Variants in CCDC33 observed in about 807,000 individuals in gnomAD.
The protein encoded by CCDC33 is coiled-coil domain containing 33.
CCDC33 carries 94 observed loss-of-function variants against 91.9 expected under a neutral mutation model. That is an observed-to-expected ratio of 1.02 (90% CI 0.87 to 1.21). The LOEUF (loss-of-function observed/expected upper bound fraction) is 1.21. Among genes scored for constraint, CCDC33 ranks in the 50% most tolerant of loss-of-function variants. The pLI, the probability that CCDC33 is intolerant of heterozygous loss-of-function variation, is 0.00. For missense variants in CCDC33, 940 were observed against 935.5 expected (o/e 1.00, Z -0.06); for synonymous variants, 396 against 374.5 (o/e 1.06, Z -0.66).
chr15:74,311,594 G>A (rs1025770322), intron 11 of CCDC33: 29 of 152,254 alleles, frequency 1.9e-4, no homozygotes, highest in African/African-American at 7.0e-4. Context: ...CAGAAAGAGT[G>A]TGTGGGAAAG....
rs571195330 is a variant in CCDC33, at chr15:74,218,584, G to C, written c.398G>C (p.Arg133Pro). 8 of 1,289,832 alleles carry C rather than the reference G, an allele frequency of 6.2e-6. No individual in the cohort carries two copies. The Admixed American group carries it at 1.1e-4, about 19-fold the overall frequency. 79.9% of individuals were successfully genotyped at this position (1,289,832 alleles called of 1,614,324 possible). ...GAACCCTTGGGACGGGCAGCCCAGC[G>C]GGTGGGTGAGGCCATCTTCCCCATC... is the stretch of plus-strand genomic sequence containing the variant. The change falls in exon 2 of 3, where the codon CGG (arginine) becomes CCG (proline). Residue 133 changes from arginine (R) to proline (P), a missense_variant. By Grantham distance (103) the Arg-to-Pro change is moderately radical. Coordinates refer to the CCDC33 transcript ENST00000635913. This position sits in a 1 kb window ranked among gnomAD's most constrained non-coding sequence, Gnocchi z 4.8.
intron 11 of CCDC33, among the ~76,000 whole-genome samples, chr15:74,320,594 A>C (rs554529000): frequency 6.6e-6 from 1 of 152,180 alleles, no homozygotes; most frequent in Admixed American, 6.5e-5. Flanking sequence ...AGAGTCCAAA[A>C]TGGGGTTTGG....
At chr15:74,306,431 C>T (rs78863694) in intron 11 of CCDC33, among the ~76,000 whole-genome samples, 1,634 of 152,296 alleles carry the variant, frequency 0.011, 17 homozygotes, top group Middle Eastern at 0.051. Flanking sequence ...TGGCGGTTAG[C>T]ATGAAACCAT....
At chr15:74,219,175 G>A (rs1031000282) in intron 2 of CCDC33, among the ~76,000 whole-genome samples, 1 of 152,182 alleles carries the variant, frequency 6.6e-6, no homozygotes, top group Non-Finnish European at 1.5e-5. Context: ...AGTTTTTGTG[G>A]GAGGCCCCGA....
At chr15:74,210,374 C>T (rs968819304) in intron 2 of CCDC33, among the ~76,000 whole-genome samples, 3 of 152,174 alleles carry the variant, frequency 2.0e-5, no homozygotes, top group Non-Finnish European at 2.9e-5. Context: ...TCTGGACTGA[C>T]GTGGCAGAAC....
chr15:74,335,220 A>G (rs1306267799), intron 18 of CCDC33, 132 bp downstream of exon 18: 2 of 792,500 alleles, frequency 2.5e-6, no homozygotes, highest in Admixed American at 3.4e-5. Context: ...CAGGAGTCCT[A>G]GGCTCCCATT....
rs1347838892 is a variant in CCDC33, at chr15:74,295,878, T to G, written c.1220T>G (p.Met407Arg). The change falls in exon 11 of 19, where the codon ATG becomes AGG. Residue 407 changes from methionine to arginine, a missense_variant. Transcript: ENST00000398814. ...SWSKDTVSST[M>R]DLSTSTPREA... ...TCCAAGGACACAGTGAGCTCCACAA[T>G]GGACTTGAGCACGTCCACTCCACGA... 4.3e-6 allele frequency: 7 copies of G among 1,614,108 alleles called. No homozygotes were observed. The highest frequency in any genetic ancestry group is 5.9e-6 in the Non-Finnish European group (7 of 1,180,008).
chr15:74,326,421 C>T (rs1333561930), intron 11 of CCDC33, among the ~76,000 whole-genome samples: 1 of 152,204 alleles, frequency 6.6e-6, no homozygotes. Context: ...TGTTCATGCC[C>T]CCTCTCTCTC....
At chr15:74,294,413 C>T (rs1297715900) in intron 10 of CCDC33, among the ~76,000 whole-genome samples, 2 of 150,336 alleles carry the variant, frequency 1.3e-5, no homozygotes, top group Non-Finnish European at 2.9e-5. Context: ...AGACATGTCC[C>T]TAAGCCCAAG....
Position 74,266,236 on chromosome 15 carries a change from G to A in CCDC33, c.320-442G>A, listed in dbSNP as rs115736599. Among the ~76,000 whole-genome samples the A allele has an allele frequency of 5.7e-3, 869 of 152,290 alleles. 8 individuals are homozygous for A. The highest frequency in any genetic ancestry group is 0.02 in the African/African-American group (814 of 41,542). On this transcript the variant is annotated intron_variant, in intron 3 of 18. Transcript: ENST00000398814. Reference sequence around the variant, plus strand: ...GTTTCCCCACCTGCAACATGTGTGAGATAATCTCTCCCCATCCTGCCTCAA... The same window carrying A: ...GTTTCCCCACCTGCAACATGTGTGAAATAATCTCTCCCCATCCTGCCTCAA...
At chr15:74,221,129 A>G in intron 2 of CCDC33, 15 of 851,622 alleles carry the variant, frequency 1.8e-5, no homozygotes, top group Non-Finnish European at 2.1e-5. Context: ...GACTGTGATC[A>G]GGCATTTCAA....
At chr15:74,278,847 G>A (rs796294810) in intron 7 of CCDC33, among the ~76,000 whole-genome samples, 2 of 152,318 alleles carry the variant, frequency 1.3e-5, no homozygotes, top group African/African-American at 4.8e-5. Context: ...ATACCCATGT[G>A]TGTGCCCTAA....
intron 11 of CCDC33, chr15:74,301,832 C>A (rs1567015224): frequency 6.6e-6 from 1 of 152,156 alleles, no homozygotes; most frequent in Non-Finnish European, 1.5e-5. Context: ...CCCTGTCTCT[C>A]CTGCTCTCTC....
chr15:74,210,615 A>G (rs1045024431), intron 2 of CCDC33, among the ~76,000 whole-genome samples: 14 of 152,244 alleles, frequency 9.2e-5, no homozygotes, highest in African/African-American at 2.7e-4. Context: ...TTTGAAATGC[A>G]TATTTTAAAA....
chr15:74,277,010 G>T (rs1355900282), intron 7 of CCDC33, among the ~76,000 whole-genome samples: 1 of 152,192 alleles, frequency 6.6e-6, no homozygotes, highest in Non-Finnish European at 1.5e-5. Flanking sequence ...TGGGCTACAG[G>T]GTCGGGGGCA....
At position 74,280,718 on chromosome 15, in the gene CCDC33, T is replaced by C; in HGVS notation, c.940T>C (p.Leu314=). Reference sequence around the variant, plus strand: ...CAACCAGCCCCTGGGCATCTCTGTGTTGCCGCTAAAGAGCCGTTTGTACCA... The same window carrying C: ...CAACCAGCCCCTGGGCATCTCTGTGCTGCCGCTAAAGAGCCGTTTGTACCA... ...TLNQPLGISV[L]PLKSRLYQKM... Residue 314 remains leucine (L), a synonymous_variant, in exon 9 of 19, where the codon TTG becomes CTG. Transcript: ENST00000398814. 6.4e-7 allele frequency: 1 copy of C among 1,571,030 alleles called. No individual in the cohort carries two copies. The highest frequency in any genetic ancestry group is 1.2e-5 in the South Asian group (1 of 85,370).
At chr15:74,228,891 A>G (rs1473001347) in intron 2 of CCDC33, among the ~76,000 whole-genome samples, 5 of 152,194 alleles carry the variant, frequency 3.3e-5, no homozygotes, top group African/African-American at 1.2e-4. Flanking sequence ...GCTCTCTGGT[A>G]GAGATGGCGG....
chr15:74,205,485 G>A (rs901144658), intron 1 of CCDC33, among the ~76,000 whole-genome samples: 2 of 152,298 alleles, frequency 1.3e-5, no homozygotes, highest in Non-Finnish European at 1.5e-5. Flanking sequence ...AACTGATAGA[G>A]CGAGAACTCA....
At chr15:74,228,197 C>T (rs770360984) in intron 2 of CCDC33, among the ~76,000 whole-genome samples, 4 of 152,074 alleles carry the variant, frequency 2.6e-5, no homozygotes, top group East Asian at 1.9e-4. Flanking sequence ...AGGCTGAAGG[C>T]GCAGTAGAGG....
Sources: allele counts gnomAD v4.1 joint callset (sites outside exome capture counted in the v4.1 genomes callset), GRCh38; gene constraint gnomAD v4.1.1; non-coding constraint Gnocchi (gnomAD v3.1); transcripts MANE v1.5; gene names NCBI Gene and HGNC (gene_info 2026-07-23, HGNC 2026-07-21).